RPA1: variants seen among roughly 807,000 people sequenced by gnomAD.
RPA1 encodes the protein replication protein A 70 kDa DNA-binding subunit.
Under a neutral mutation model 83.0 loss-of-function variants are expected in RPA1, and 49 were observed. That is an observed-to-expected ratio of 0.59 (90% CI 0.47 to 0.75). RPA1 has a LOEUF of 0.75. Among genes scored for constraint, RPA1 ranks in the 30% least tolerant of loss-of-function variants. The probability of loss-of-function intolerance (pLI) is 0.00; values close to 1 mark genes in which losing one functional copy is unlikely to be tolerated. For synonymous variants in RPA1, 279 were observed against 281.8 expected, an observed-to-expected ratio of 0.99 and a Z score of 0.10; for missense variants, 693 against 776.1, an observed-to-expected ratio of 0.89 and a Z score of 1.27.
intron 5 of RPA1, among the ~76,000 whole-genome samples, chr17:1,862,358 C>T (rs1169853930): frequency 6.6e-6 from 1 of 151,920 alleles, no homozygotes. Context: ...TCTTATACCT[C>T]TCTTGTCCCT....
At chr17:1,844,307 G>C (rs1468875719) in intron 3 of RPA1, among the ~76,000 whole-genome samples, 1 of 152,092 alleles carries the variant, frequency 6.6e-6, no homozygotes, top group Non-Finnish European at 1.5e-5. Context: ...TCCTTTTCTG[G>C]GGTTTTATTT....
chr17:1,866,199 G>A (rs1016461001), intron 5 of RPA1, among the ~76,000 whole-genome samples: 3 of 152,078 alleles, frequency 2.0e-5, no homozygotes, highest in African/African-American at 7.2e-5. Context: ...CCAGGGCTGT[G>A]CCACTACACT....
intron 1 of RPA1, among the ~76,000 whole-genome samples, chr17:1,835,798 A>G (rs1462175897): frequency 8.5e-5 from 13 of 152,142 alleles, no homozygotes; most frequent in Admixed American, 6.6e-4. Flanking sequence ...CCCCTCATAC[A>G]TGCACGTGGT....
chr17:1,834,439 C>A lies in RPA1; in HGVS notation c.33+4313C>A, dbSNP rs537158342. ...TCATAAATGAAGAATGAAAGTTTCA[C>A]ATGTGTTTGTGGTGATGGAATGAGT... On this transcript the variant is annotated intron_variant, in intron 1 of 16. Transcript: ENST00000254719. Among the ~76,000 whole-genome samples, 5 of 152,280 alleles carry A rather than the reference C, an allele frequency of 3.3e-5. No individual in the cohort carries two copies. In the South Asian group the frequency reaches 1.0e-3, roughly 32 times the overall value.
At chr17:1,849,208 T>C (rs1912379004) in intron 4 of RPA1, among the ~76,000 whole-genome samples, 1 of 152,168 alleles carries the variant, frequency 6.6e-6, no homozygotes, top group African/African-American at 2.4e-5. Context: ...AGAGTTTCAG[T>C]TAAACTTCTC....
intron 4 of RPA1, among the ~76,000 whole-genome samples, chr17:1,849,162 TC>T (rs1423469452): frequency 2.0e-5 from 3 of 152,160 alleles, no homozygotes; most frequent in Non-Finnish European, 4.4e-5. Context: ...GTGGAGTTTC[TC>T]CCCGTTCTTG....
At chr17:1,872,189 T>G in intron 5 of RPA1, 1 of 536,022 alleles carries the variant, frequency 1.9e-6, no homozygotes, top group Non-Finnish European at 3.4e-6. Flanking sequence ...TCATTAACAC[T>G]GAAGGCTATC....
intron 1 of RPA1, among the ~76,000 whole-genome samples, chr17:1,839,620 C>T (rs1447896030): frequency 1.3e-5 from 2 of 151,040 alleles, no homozygotes; most frequent in Admixed American, 1.3e-4. Flanking sequence ...GCCACCGTGC[C>T]TGGCCTCTAG....
At chr17:1,840,823 T>C (rs1912018937) in intron 1 of RPA1, among the ~76,000 whole-genome samples, 1 of 152,076 alleles carries the variant, frequency 6.6e-6, no homozygotes, top group Non-Finnish European at 1.5e-5. Flanking sequence ...CCAGCACTTT[T>C]TGGGAGGCTG....
At chr17:1,830,170 C>T (rs1264681599) in intron 1 of RPA1, 44 bp downstream of exon 1, 8 of 1,197,950 alleles carry the variant, frequency 6.7e-6, no homozygotes, top group Non-Finnish European at 8.3e-6. Flanking sequence ...GGGGTGGCTG[C>T]GGCCCCGAGC....
intron 5 of RPA1, among the ~76,000 whole-genome samples, chr17:1,854,574 C>G (rs1406880058): frequency 6.6e-6 from 1 of 151,982 alleles, no homozygotes; most frequent in Non-Finnish European, 1.5e-5. Context: ...TGTGGTGGCT[C>G]ACACCTGTAG....
At chr17:1,858,352 G>A (rs902779262) in intron 5 of RPA1, 38 of 1,607,080 alleles carry the variant, frequency 2.4e-5, no homozygotes, top group Middle Eastern at 1.9e-4. Context: ...GATGGACATC[G>A]CCATGGGAAG....
Position 1,888,716 on chromosome 17 carries a change from CA to C in RPA1, c.1419del (p.Glu474ArgfsTer17), listed in dbSNP as rs770021349. ...CTGTGGCCACAGTGGTGTATCTTCG[CA>C]AAGAGAACTGCATGTACCAAGCCTG... ...SSVATVVYLR[K>X]ENCMYQACPT... is the part of the protein sequence containing the mutation. On this transcript the variant is annotated frameshift_variant, in exon 14 of 17. Transcript: ENST00000254719. LOFTEE classifies it high-confidence loss of function. 6.2e-7 allele frequency: 1 copy of C among 1,614,128 alleles called. No homozygotes were observed. Among genetic ancestry groups the C allele is most frequent in the South Asian group, 1.1e-5 (1 of 91,080 alleles).
chr17:1,891,896 A>G lies in RPA1; in HGVS notation c.1615A>G (p.Ile539Val), dbSNP rs759325882. The change falls in exon 15 of 17, where the codon ATC becomes GTC. Residue 539 changes from isoleucine (I) to valine (V), a missense_variant. Physicochemically the swap from Ile to Val is conservative, Grantham distance 29. Transcript: ENST00000254719. ...VTCFQESAEA[I>V]LGQNAAYLGE... ...TTGTTTCCAGGAGTCTGCTGAAGCT[A>G]TCCTTGGACAAAATGCTGCTTATCT... is the stretch of plus-strand genomic sequence containing the variant. 8.1e-6 allele frequency: 13 copies of G among 1,608,808 alleles called. No individual in the cohort carries two copies. The Admixed American group carries it at 1.5e-4, about 19-fold the overall frequency.
At position 1,842,854 on chromosome 17, in the gene RPA1, G is replaced by C; in HGVS notation, c.84+1G>C. On this transcript the variant is annotated splice_donor_variant, in intron 2 of 16. Coordinates refer to ENST00000254719, the MANE Select transcript of RPA1 (RefSeq NM_002945.5). LOFTEE classifies it high-confidence loss of function. ...CATAAAGCCCATCCTCCAAGTCATC[G>C]TAAGTACCTGCGTATGTTATGTTCC... The C allele has an allele frequency of 1.9e-6, 3 of 1,613,842 alleles. No homozygotes were observed. The highest frequency in any genetic ancestry group is 2.5e-6 in the Non-Finnish European group (3 of 1,179,770).
At chr17:1,858,602 T>A (rs896511354) in intron 5 of RPA1, among the ~76,000 whole-genome samples, 5 of 152,058 alleles carry the variant, frequency 3.3e-5, no homozygotes, top group Non-Finnish European at 5.9e-5. Flanking sequence ...TAGCTGGGAC[T>A]ATTGGTGTGT....
intron 1 of RPA1, among the ~76,000 whole-genome samples, chr17:1,834,508 C>G (rs1597413872): frequency 1.3e-5 from 2 of 152,176 alleles, no homozygotes; most frequent in East Asian, 3.8e-4. Flanking sequence ...AAGCAGGTAT[C>G]ATTTTCGTTC....
intron 5 of RPA1, among the ~76,000 whole-genome samples, chr17:1,858,903 TA>T (rs1418466269): frequency 2.4e-4 from 19 of 80,494 alleles, no homozygotes; most frequent in African/African-American, 6.5e-4. Flanking sequence ...ATTTTTATTT[TA>T]TTTTTTTTTT....
intron 12 of RPA1, among the ~76,000 whole-genome samples, chr17:1,881,924 C>T (rs1331816422): frequency 6.6e-6 from 1 of 151,732 alleles, no homozygotes; most frequent in Admixed American, 6.6e-5. Flanking sequence ...TGGCAAATGT[C>T]TCCTTGGAGC....
Sources: allele counts gnomAD v4.1 joint callset (sites outside exome capture counted in the v4.1 genomes callset), GRCh38; gene constraint gnomAD v4.1.1; transcripts MANE v1.5; gene names NCBI Gene and HGNC (gene_info 2026-07-23, HGNC 2026-07-21).